The following PTPRD variants were observed in gnomAD, a reference collection of about 807,000 sequenced individuals.
PTPRD encodes the protein protein tyrosine phosphatase receptor type D, also known as receptor-type tyrosine-protein phosphatase delta.
Under a neutral mutation model 214.5 loss-of-function variants are expected in PTPRD, and 34 were observed. The observed-to-expected ratio is 0.16, with a 90% CI of 0.12 to 0.21. The LOEUF is 0.21. Among genes scored for constraint, PTPRD ranks in the 10% least tolerant of loss-of-function variants. The probability of loss-of-function intolerance (pLI) is 1.00; values close to 1 mark genes in which losing one functional copy is unlikely to be tolerated. For missense variants in PTPRD, 2,545 were observed against 2,398.7 expected (o/e 1.06, Z -1.27); for synonymous variants, 1,128 against 845.7 (o/e 1.33, Z -5.79).
At chr9:9,333,504 T>TTATATATATATATATATATATATATA (rs3048057) in intron 9 of PTPRD, among the ~76,000 whole-genome samples, 12 of 137,216 alleles carry the variant, frequency 8.7e-5, no homozygotes, top group African/African-American at 3.2e-4. Context: ...ATATAGTATA[T>TTATATATATATATATATATATATATA]TATATATATA....
At chr9:9,175,840 C>G (rs1027331551) in intron 10 of PTPRD, among the ~76,000 whole-genome samples, 41 of 152,006 alleles carry the variant, frequency 2.7e-4, no homozygotes, top group African/African-American at 9.6e-4. Flanking sequence ...AATGGGTCAT[C>G]GACTAGCAAA....
intron 12 of PTPRD, among the ~76,000 whole-genome samples, chr9:8,673,495 C>G (rs564944337): frequency 3.6e-4 from 55 of 152,226 alleles, no homozygotes; most frequent in Non-Finnish European, 5.9e-4. Flanking sequence ...AAATATGAAC[C>G]TCACAACTGC....
At chr9:9,514,583 T>A (rs1047619587) in intron 8 of PTPRD, among the ~76,000 whole-genome samples, 1 of 152,120 alleles carries the variant, frequency 6.6e-6, no homozygotes, top group Admixed American at 6.6e-5. Context: ...TAAGTCCCAT[T>A]AACTTCCTTA....
intron 5 of PTPRD, among the ~76,000 whole-genome samples, chr9:9,820,248 C>G (rs939005159): frequency 6.6e-6 from 1 of 152,008 alleles, no homozygotes; most frequent in African/African-American, 2.4e-5. Context: ...TAAGGTTGAG[C>G]ATTTTTTTCA....
At chr9:10,154,950 G>A (rs934928394) in intron 3 of PTPRD, among the ~76,000 whole-genome samples, 2 of 151,964 alleles carry the variant, frequency 1.3e-5, no homozygotes, top group Non-Finnish European at 2.9e-5. Flanking sequence ...GGTCCCATAT[G>A]AATTTACTTT....
At chr9:10,481,167 T>A (rs2099095152) in intron 2 of PTPRD, among the ~76,000 whole-genome samples, 2 of 152,098 alleles carry the variant, frequency 1.3e-5, no homozygotes, top group South Asian at 4.1e-4. Context: ...TTGCTCCACT[T>A]AAAAAAATCC....
At chr9:10,051,657 G>A (rs572219616) in intron 3 of PTPRD, among the ~76,000 whole-genome samples, 2 of 150,814 alleles carry the variant, frequency 1.3e-5, no homozygotes, top group African/African-American at 4.9e-5. Flanking sequence ...GTGTCCATGT[G>A]TTCTCATTGT....
rs771235426 is a variant in PTPRD at position 9,204,207 on chromosome 9, G to C, written c.-202-20844C>G. ...TCTTTAGCTTTGGGGAATTGAGTTG[G>C]TAAATCTGCTTTGCAGAAATGTAGT... On this transcript the variant is annotated intron_variant, in intron 9 of 45. Coordinates refer to ENST00000381196, the MANE Select transcript of PTPRD (RefSeq NM_002839.4). Among the ~76,000 whole-genome samples, 142 of 152,190 alleles carry C rather than the reference G, an allele frequency of 9.3e-4. 2 individuals are homozygous for C. Among genetic ancestry groups the C allele is most frequent in the Admixed American group, 3.9e-4 (6 of 15,278 alleles).
chr9:9,502,548 C>T (rs1375949251), intron 8 of PTPRD, among the ~76,000 whole-genome samples: 1 of 151,878 alleles, frequency 6.6e-6, no homozygotes, highest in African/African-American at 2.4e-5. Context: ...TGACCTTACA[C>T]ATTCACTGAG....
At chr9:9,181,241 T>A (rs1430593239) in intron 10 of PTPRD, among the ~76,000 whole-genome samples, 3 of 152,002 alleles carry the variant, frequency 2.0e-5, no homozygotes, top group African/African-American at 7.2e-5. Context: ...CTTAATTTCA[T>A]TTTTGTAATG....
intron 43 of PTPRD, among the ~76,000 whole-genome samples, chr9:8,335,745 C>T (rs111849434): frequency 0.013 from 1,976 of 152,238 alleles, 41 homozygotes; most frequent in African/African-American, 0.044. Context: ...TAGAAGACCC[C>T]ATTGTCTCAG....
At chr9:8,638,674 G>C (rs914813687) in intron 12 of PTPRD, among the ~76,000 whole-genome samples, 1 of 152,048 alleles carries the variant, frequency 6.6e-6, no homozygotes, top group East Asian at 1.9e-4. Context: ...ACTTGTTGGT[G>C]ATCCTGGAAC....
chr9:8,708,108 A>G (rs1194857314), intron 12 of PTPRD, among the ~76,000 whole-genome samples: 1 of 152,220 alleles, frequency 6.6e-6, no homozygotes, highest in Non-Finnish European at 1.5e-5. Flanking sequence ...TCTCAATCCA[A>G]CAAAAATGGA....
chr9:8,490,078 T>C (rs568438757), intron 27 of PTPRD, among the ~76,000 whole-genome samples: 6 of 152,286 alleles, frequency 3.9e-5, no homozygotes, highest in African/African-American at 1.2e-4. Context: ...GTTGGTTCAA[T>C]GGTTCTGCTC....
chr9:9,363,156 C>G (rs1326490285), intron 9 of PTPRD, among the ~76,000 whole-genome samples: 1 of 136,632 alleles, frequency 7.3e-6, no homozygotes, highest in African/African-American at 2.7e-5. Flanking sequence ...CACATTAGAA[C>G]TGGATATGAC....
intron 5 of PTPRD, among the ~76,000 whole-genome samples, chr9:9,838,265 G>C (rs1267351257): frequency 1.3e-5 from 2 of 152,016 alleles, no homozygotes; most frequent in Non-Finnish European, 2.9e-5. Context: ...ATGATTTGTA[G>C]TCCTTTGGGT....
intron 9 of PTPRD, among the ~76,000 whole-genome samples, chr9:9,223,784 A>G (rs918957583): frequency 2.0e-5 from 3 of 152,016 alleles, no homozygotes; most frequent in African/African-American, 7.2e-5. Context: ...TATTAACTGA[A>G]GAACTGAGGA....
At chr9:10,166,384 G>C (rs1222314617) in intron 3 of PTPRD, among the ~76,000 whole-genome samples, 1 of 148,506 alleles carries the variant, frequency 6.7e-6, no homozygotes, top group Admixed American at 6.7e-5. Flanking sequence ...ATTTTTTTTT[G>C]TTTGTTTACT....
At chr9:9,875,705 C>G (rs181965113) in intron 5 of PTPRD, among the ~76,000 whole-genome samples, 17 of 152,212 alleles carry the variant, frequency 1.1e-4, no homozygotes, top group Admixed American at 3.3e-4. Context: ...ATGCTCTAGA[C>G]AGCTGAACTA....
Sources: gnomAD v4.1 joint callset for allele counts (sites outside exome capture counted in the v4.1 genomes callset) on GRCh38, gnomAD v4.1.1 for gene constraint, MANE v1.5 for transcripts, NCBI Gene and HGNC (gene_info 2026-07-23, HGNC 2026-07-21) for gene names.